CPT1A: variants seen among roughly 807,000 people sequenced by gnomAD.
CPT1A encodes carnitine palmitoyltransferase 1A, also known as carnitine O-palmitoyltransferase 1, liver isoform.
Under a neutral mutation model 100.8 loss-of-function variants are expected in CPT1A, and 64 were observed. The ratio of observed to expected loss-of-function variants is 0.63; its 90% CI spans 0.52 to 0.78. CPT1A has a LOEUF of 0.78. CPT1A is among the 30% of genes least tolerant of loss of function. The pLI is 0.00. For missense variants in CPT1A, 802 were observed against 1,034.1 expected (o/e 0.78, Z 3.08); for synonymous variants, 363 against 396.0 (o/e 0.92, Z 0.99).
intron 1 of CPT1A, among the ~76,000 whole-genome samples, chr11:68,830,416 T>C (rs892207306): frequency 3.3e-5 from 5 of 152,282 alleles, no homozygotes; most frequent in African/African-American, 1.2e-4. Flanking sequence ...AGGTGGAGCA[T>C]GGGAGCCAGG....
chr11:68,765,766 T>TA (rs1854780663), intron 14 of CPT1A, among the ~76,000 whole-genome samples: 1 of 152,144 alleles, frequency 6.6e-6, no homozygotes, highest in Non-Finnish European at 1.5e-5. Context: ...GCAAACATTC[T>TA]AGCAGGAGAC....
chr11:68,790,745 G>A (rs1354448505), intron 9 of CPT1A, among the ~76,000 whole-genome samples: 3 of 152,208 alleles, frequency 2.0e-5, no homozygotes, highest in Admixed American at 6.5e-5. Context: ...ATCATGCTCA[G>A]AATGGCTGTC....
chr11:68,758,267 A>AAAAC (rs891628009), intron 18 of CPT1A, among the ~76,000 whole-genome samples: 18 of 146,780 alleles, frequency 1.2e-4, no homozygotes, highest in African/African-American at 3.0e-4. Context: ...GACCCTGTCT[A>AAAAC]AAACAAACAA....
In CPT1A at chr11:68,754,953, C is replaced by T; in HGVS notation, c.*2691G>A. On this transcript the variant is annotated 3_prime_UTR_variant, in exon 19 of 19. Transcript: ENST00000265641. Reference sequence around the variant, plus strand: ...CACACTGCATTTCTAAGATTTACATCCAAAGAGCATACTGTATTTACATGC... The same window carrying T: ...CACACTGCATTTCTAAGATTTACATTCAAAGAGCATACTGTATTTACATGC... The T allele has an allele frequency of 1.4e-6, 1 of 729,908 alleles. No individual in the cohort carries two copies. Among genetic ancestry groups the T allele is most frequent in the Admixed American group, 1.9e-5 (1 of 53,036 alleles). The allele number at this position is 729,908 out of a possible 1,614,324, so 45.2% of individuals were successfully genotyped here. A position where few individuals can be genotyped will look rare whatever the true frequency, so the allele number is the denominator to read the frequency against.
intron 16 of CPT1A, 104 bp from the exon 17 acceptor site, chr11:68,760,442 C>T (rs542978974): frequency 6.9e-6 from 6 of 868,752 alleles, no homozygotes; most frequent in African/African-American, 5.0e-5. Flanking sequence ...TTTGATTGTT[C>T]CACACACCAC....
intron 1 of CPT1A, among the ~76,000 whole-genome samples, chr11:68,829,650 G>A (rs189769005): frequency 2.6e-5 from 4 of 152,308 alleles, no homozygotes; most frequent in South Asian, 2.1e-4. Flanking sequence ...AAATCATCGC[G>A]GAGCCCTCGG....
At chr11:68,829,845 C>CAAAAAAAA (rs1164325941) in intron 1 of CPT1A, among the ~76,000 whole-genome samples, 176 of 152,320 alleles carry the variant, frequency 1.2e-3, no homozygotes, top group African/African-American at 4.1e-3. Context: ...ACACCAAAAA[C>CAAAAAAAA]AACACATCGT....
intron 1 of CPT1A, among the ~76,000 whole-genome samples, chr11:68,831,191 G>T (rs944660864): frequency 1.3e-5 from 2 of 152,036 alleles, no homozygotes; most frequent in African/African-American, 4.8e-5. Context: ...CGAAGTCATT[G>T]GCCTATGAAT....
rs551693537 is a variant in CPT1A, at chr11:68,815,635, C to T, written c.-13-148G>A. On this transcript the variant is annotated intron_variant, in intron 1 of 18. Transcript: ENST00000265641. ...CTTTTCATCAACAGACCAATTCCAT[C>T]ACCACAGCTGGCACCCCCTTGCCTG... The T allele has an allele frequency of 5.3e-6, 4 of 757,724 alleles. No individual in the cohort carries two copies. In the African/African-American group the frequency reaches 6.9e-5, roughly 13 times the overall value. 46.9% of individuals were successfully genotyped at this position (757,724 alleles called of 1,614,324 possible).
intron 6 of CPT1A, among the ~76,000 whole-genome samples, chr11:68,798,533 G>T (rs1218531733): frequency 6.6e-6 from 1 of 151,992 alleles, no homozygotes; most frequent in South Asian, 2.1e-4. Context: ...CTCCCAGTAC[G>T]TGGAAGCCCA....
chr11:68,836,755 G>C (rs938554682), intron 1 of CPT1A, among the ~76,000 whole-genome samples: 12 of 151,564 alleles, frequency 7.9e-5, no homozygotes, highest in Admixed American at 3.3e-4. Flanking sequence ...CTGGGCAACA[G>C]AGTGAGATTT....
At chr11:68,815,309 T>C in intron 2 of CPT1A, 25 bp downstream of exon 2, 1 of 1,612,082 alleles carries the variant, frequency 6.2e-7, no homozygotes, top group Non-Finnish European at 8.5e-7. Flanking sequence ...GCATACTGTG[T>C]AGATTTCAAC....
In CPT1A at chr11:68,799,280, C is replaced by T. The variant is rs1297730282; in HGVS notation, c.631G>A (p.Val211Ile). Residue 211 changes from valine to isoleucine, a missense_variant, in exon 6 of 19, where the codon GTC becomes ATC. Coordinates refer to ENST00000265641, the MANE Select transcript of CPT1A (RefSeq NM_001876.4). ...CACTGTAATCTTGGTCCAAGACCGA[C>T]AGCAAAATCTTGAGCAAGTGCTGTC... ...RMTALAQDFA[V>I]GLGPRLQWYL... is the part of the protein sequence containing the mutation. 3 of 1,614,096 alleles carry T rather than the reference C, an allele frequency of 1.9e-6. No individual in the cohort carries two copies. The highest frequency in any genetic ancestry group is 2.5e-6 in the Non-Finnish European group (3 of 1,179,964).
At chr11:68,830,787 G>C (rs1391534561) in intron 1 of CPT1A, among the ~76,000 whole-genome samples, 1 of 152,102 alleles carries the variant, frequency 6.6e-6, no homozygotes, top group African/African-American at 2.4e-5. Flanking sequence ...CAGCACTTTA[G>C]GGGGCAGCCC....
intron 14 of CPT1A, among the ~76,000 whole-genome samples, chr11:68,772,898 G>A (rs528577315): frequency 1.3e-5 from 2 of 152,212 alleles, no homozygotes; most frequent in Non-Finnish European, 2.9e-5. Flanking sequence ...AGACGAATAC[G>A]TAACTGACTA....
chr11:68,817,448 A>G (rs1272649582), intron 1 of CPT1A, among the ~76,000 whole-genome samples: 1 of 152,184 alleles, frequency 6.6e-6, no homozygotes, highest in East Asian at 1.9e-4. Context: ...GCTGCACACC[A>G]GCAGAAAAGG....
chr11:68,764,802 C>T (rs930971619), intron 14 of CPT1A, among the ~76,000 whole-genome samples: 3 of 152,250 alleles, frequency 2.0e-5, no homozygotes, highest in African/African-American at 4.8e-5. Context: ...CTGAAGGCGT[C>T]GACAAGAGCA....
intron 9 of CPT1A, among the ~76,000 whole-genome samples, chr11:68,788,250 T>C (rs970775145): frequency 6.6e-6 from 1 of 152,168 alleles, no homozygotes; most frequent in African/African-American, 2.4e-5. Flanking sequence ...GAACAAATGA[T>C]GTGCTGCAAG....
intron 16 of CPT1A, among the ~76,000 whole-genome samples, chr11:68,761,145 C>A (rs897049): frequency 0.22 from 31,786 of 144,412 alleles, 4,941 homozygotes; most frequent in African/African-American, 0.45. Context: ...GGAGTTTGAG[C>A]CCAGCCTGGG....
Sources: allele counts gnomAD v4.1 joint callset (sites outside exome capture counted in the v4.1 genomes callset), GRCh38; gene constraint gnomAD v4.1.1; transcripts MANE v1.5; gene names NCBI Gene and HGNC (gene_info 2026-07-23, HGNC 2026-07-21).